SLC18A1: variants seen among roughly 807,000 people sequenced by gnomAD.
The protein encoded by SLC18A1 is solute carrier family 18 member A1, also known as chromaffin granule amine transporter.
A neutral mutation model predicts 53.7 loss-of-function variants in SLC18A1; 69 were observed. That is an observed-to-expected ratio of 1.28 (90% CI 1.06 to 1.57). The LOEUF is 1.57. Ranked by LOEUF, SLC18A1 falls within the 40% of genes most tolerant of loss-of-function variation. The pLI is 0.00. For missense variants in SLC18A1, 932 were observed against 668.1 expected (o/e 1.40, Z -4.35); for synonymous variants, 320 against 248.1 (o/e 1.29, Z -2.72).
At chr8:20,177,315 G>C (rs945577858) in intron 4 of SLC18A1, among the ~76,000 whole-genome samples, 2 of 152,174 alleles carry the variant, frequency 1.3e-5, no homozygotes, top group Non-Finnish European at 2.9e-5. Context: ...TGGGTTGCTA[G>C]GAATCAAGTT....
At chr8:20,154,783 G>C (rs2088341) in intron 10 of SLC18A1, among the ~76,000 whole-genome samples, 1 of 152,136 alleles carries the variant, frequency 6.6e-6, no homozygotes, top group Non-Finnish European at 1.5e-5. Context: ...TCTTGCAACT[G>C]TACACTCTTC....
chr8:20,148,546 C>A lies in SLC18A1; in HGVS notation c.1147-476G>T, dbSNP rs145597208. The A allele has an allele frequency of 6.1e-4, 672 of 1,097,442 alleles. 4 individuals are homozygous for A. The African/African-American group carries it at 1.0e-2, about 16-fold the overall frequency. The allele number at this position is 1,097,442 out of a possible 1,614,324, so 68.0% of individuals were successfully genotyped here. ...TGGAAAAAGAAGATAGAGAAGAGGC[C>A]CCAACAACCAGTTAGCTGTAAGCTA... On this transcript the variant is annotated intron_variant, in intron 12 of 15. Coordinates refer to ENST00000276373, the MANE Select transcript of SLC18A1 (RefSeq NM_003053.4).
chr8:20,166,475 G>A (rs1237031581), intron 8 of SLC18A1, among the ~76,000 whole-genome samples: 2 of 150,966 alleles, frequency 1.3e-5, no homozygotes, highest in African/African-American at 4.9e-5. Flanking sequence ...GGAAAAATAA[G>A]AAAACACATA....
intron 10 of SLC18A1, among the ~76,000 whole-genome samples, chr8:20,152,817 G>A (rs889337616): frequency 2.0e-5 from 3 of 152,226 alleles, no homozygotes; most frequent in Non-Finnish European, 2.9e-5. Context: ...AGTAGCCAAT[G>A]AAGTAGGTGA....
chr8:20,182,556 G>A (rs185020824), intron 1 of SLC18A1, among the ~76,000 whole-genome samples: 1 of 152,218 alleles, frequency 6.6e-6, no homozygotes, highest in East Asian at 1.9e-4. Context: ...ATTCAATAAT[G>A]AGCTACTTTT....
intron 15 of SLC18A1, 138 bp downstream of exon 15, chr8:20,147,120 T>G: frequency 1.1e-6 from 1 of 877,414 alleles, no homozygotes; most frequent in Non-Finnish European, 1.6e-6. Context: ...TGAAAGGGGA[T>G]TGGGAAACAT....
intron 12 of SLC18A1, 112 bp downstream of exon 12, chr8:20,149,560 ATGTC>A (rs2071491602): frequency 1.3e-6 from 1 of 785,676 alleles, no homozygotes; most frequent in East Asian, 2.7e-5. Flanking sequence ...TAGTCTTTAA[ATGTC>A]TGTGTCTTTC....
intron 5 of SLC18A1, 113 bp downstream of exon 5, chr8:20,174,248 T>C (rs2072199257): frequency 1.2e-6 from 1 of 812,886 alleles, no homozygotes. Flanking sequence ...TTTCTACCTA[T>C]CCAGGTGACA....
intron 11 of SLC18A1, among the ~76,000 whole-genome samples, chr8:20,150,444 C>G (rs1485672482): frequency 1.3e-5 from 2 of 152,230 alleles, no homozygotes; most frequent in African/African-American, 4.8e-5. Context: ...CATGTATCCA[C>G]TGCCTCTTCT....
chr8:20,153,225 T>C (rs2071603016), intron 10 of SLC18A1, among the ~76,000 whole-genome samples: 1 of 151,940 alleles, frequency 6.6e-6, no homozygotes, highest in Non-Finnish European at 1.5e-5. Flanking sequence ...TGCGTTTTTT[T>C]TGCAGCCCCA....
intron 11 of SLC18A1, 151 bp downstream of exon 11, chr8:20,150,515 A>C (rs1301249227): frequency 1.1e-5 from 8 of 725,734 alleles, no homozygotes; most frequent in Non-Finnish European, 1.7e-5. Flanking sequence ...CCACTCACTC[A>C]CTGCCCATCC....
chr8:20,177,593 CA>C (rs1438348220), intron 4 of SLC18A1, among the ~76,000 whole-genome samples: 5 of 152,136 alleles, frequency 3.3e-5, no homozygotes, highest in African/African-American at 1.2e-4. Context: ...ACATACGTAA[CA>C]AACCTGCACG....
chr8:20,147,594 C>A lies in SLC18A1; in HGVS notation c.1330+9G>T. 2.5e-6 allele frequency: 4 copies of A among 1,613,938 alleles called. No individual in the cohort carries two copies. Among genetic ancestry groups the A allele is most frequent in the Non-Finnish European group, 3.4e-6 (4 of 1,179,884 alleles). On this transcript the variant is annotated intron_variant, in intron 14 of 15. Coordinates refer to ENST00000276373, the MANE Select transcript of SLC18A1 (RefSeq NM_003053.4). ...GGGGAAAGTGGGGCACCAGGTCCTG[C>A]CAACATACCTATAGCAAAGCCCATG...
In SLC18A1 at chr8:20,174,457, A is replaced by G; in HGVS notation, c.548-13T>C. 5 of 1,603,696 alleles carry G rather than the reference A, an allele frequency of 3.1e-6. No individual in the cohort carries two copies. The highest frequency in any genetic ancestry group is 3.4e-6 in the Non-Finnish European group (4 of 1,170,748). On this transcript the variant is annotated splice_polypyrimidine_tract_variant and intron_variant, in intron 4 of 15. Transcript: ENST00000276373. ...GAAAAAGCAAACACTGGGCAGAGAG[A>G]ATAGCAAGATAACTGCAGTTAGCAA...
rs76860747 is a variant in SLC18A1, at chr8:20,170,479, T to C, written c.858+624A>G. 4.8e-3 allele frequency among the ~76,000 whole-genome samples: 727 copies of C among 152,270 alleles called. 8 individuals carry two copies. The highest frequency in any genetic ancestry group is 0.016 in the African/African-American group (672 of 41,542). ...GGAATGCAAAGTCAAGGCCTTTAGA[T>C]CAAACATTTTTACACTTGATGCACT... On this transcript the variant is annotated intron_variant, in intron 8 of 15. Transcript: ENST00000276373.
chr8:20,157,855 C>G (rs1436878142), intron 10 of SLC18A1, among the ~76,000 whole-genome samples: 1 of 152,142 alleles, frequency 6.6e-6, no homozygotes, highest in Non-Finnish European at 1.5e-5. Context: ...GGCAAGTGGA[C>G]TTTGGAGGCT....
chr8:20,166,582 G>T (rs1428165098), intron 8 of SLC18A1, among the ~76,000 whole-genome samples: 1 of 151,514 alleles, frequency 6.6e-6, no homozygotes, highest in Non-Finnish European at 1.5e-5. Context: ...TGGGAGAGGG[G>T]GAGGGTTAGA....
intron 10 of SLC18A1, among the ~76,000 whole-genome samples, chr8:20,160,463 G>A (rs2071799274): frequency 6.6e-6 from 1 of 151,658 alleles, no homozygotes; most frequent in South Asian, 2.1e-4. Context: ...CATGACCCCT[G>A]CATGAAAAAC....
chr8:20,144,937 G>C lies in SLC18A1; in HGVS notation c.*826C>G, dbSNP rs560287664. 1 of 152,192 alleles carries C rather than the reference G, an allele frequency of 6.6e-6. No homozygotes were observed. The highest frequency in any genetic ancestry group is 2.4e-5 in the African/African-American group (1 of 41,514). The allele number at this position is 152,192 out of a possible 1,614,324, so 9.4% of individuals were successfully genotyped here. ...CCTGTTAGGAAATCTACAATCAGGA[G>C]GGATTTCAAGGCAGTTTCTTTTAAC... On this transcript the variant is annotated 3_prime_UTR_variant, in exon 16 of 16. Coordinates refer to ENST00000276373, the MANE Select transcript of SLC18A1 (RefSeq NM_003053.4).
Sources: gnomAD v4.1 joint callset for allele counts (sites outside exome capture counted in the v4.1 genomes callset) on GRCh38, gnomAD v4.1.1 for gene constraint, MANE v1.5 for transcripts, NCBI Gene and HGNC (gene_info 2026-07-23, HGNC 2026-07-21) for gene names.